The following TBC1D2B variants were observed in gnomAD, a reference collection of about 807,000 sequenced individuals.
The protein encoded by TBC1D2B is TBC1 domain family member 2B.
In TBC1D2B, 64 loss-of-function variants were observed where a neutral mutation model predicts 100.8. The ratio of observed to expected loss-of-function variants is 0.64; its 90% confidence interval spans 0.52 to 0.78. The LOEUF (loss-of-function observed/expected upper bound fraction) is 0.78, where lower values mean the gene tolerates loss of function less well. Ranked by LOEUF, TBC1D2B falls within the 30% of genes least tolerant of loss-of-function variation. The probability of loss-of-function intolerance (pLI) is 0.00; values close to 1 mark genes in which losing one functional copy is unlikely to be tolerated. For missense variants in TBC1D2B, 1,052 were observed against 1,218.4 expected (o/e 0.86, Z 2.03); for synonymous variants, 480 against 479.7 (o/e 1.00, Z -0.01).
At chr15:78,013,434 G>A in intron 8 of TBC1D2B, 117 bp from the exon 9 acceptor site, 2 of 975,776 alleles carry the variant, frequency 2.0e-6, no homozygotes, top group Non-Finnish European at 1.5e-6. Flanking sequence ...TTTGAACTAT[G>A]AGAAGCATTT....
At position 78,077,510 on chromosome 15, in the gene TBC1D2B, C is replaced by G; in HGVS notation, c.143G>C (p.Gly48Ala). 1.3e-6 allele frequency: 2 copies of G among 1,529,766 alleles called. No homozygotes were observed. The highest frequency in any genetic ancestry group is 1.8e-6 in the Non-Finnish European group (2 of 1,138,588). The allele number at this position is 1,529,766 out of a possible 1,614,324, so 94.8% of individuals were successfully genotyped here. A position where few individuals can be genotyped will look rare whatever the true frequency, so the allele number is the denominator to read the frequency against. The part of the protein sequence containing the change: ...CGYLQKLSGK[G>A]PLRGYRSRWF... ...GCGGCTGCGGTAGCCACGCAGGGGG[C>G]CCTTGCCCGACAGCTTCTGCAGATA... is the stretch of plus-strand genomic sequence containing the variant. Residue 48 changes from glycine (G) to alanine (A), a missense_variant, in exon 1 of 13, where the codon GGC becomes GCC. Gly to Ala is a moderately conservative substitution (Grantham distance 60). Coordinates refer to ENST00000300584, the MANE Select transcript of TBC1D2B (RefSeq NM_144572.2).
chr15:78,042,868 G>C (rs1185385546), intron 3 of TBC1D2B, among the ~76,000 whole-genome samples: 1 of 152,236 alleles, frequency 6.6e-6, no homozygotes, highest in East Asian at 1.9e-4. Flanking sequence ...AGGGCTATCA[G>C]CGTAGGGAGA....
At chr15:78,014,094 T>G (rs1039659427) in intron 8 of TBC1D2B, among the ~76,000 whole-genome samples, 2 of 152,158 alleles carry the variant, frequency 1.3e-5, no homozygotes, top group Non-Finnish European at 2.9e-5. Flanking sequence ...AGCAAGGAAA[T>G]AGCGACCTAG....
At chr15:78,040,632 GAAAA>G (rs1434195184) in intron 3 of TBC1D2B, among the ~76,000 whole-genome samples, 22 of 86,888 alleles carry the variant, frequency 2.5e-4, no homozygotes, top group Admixed American at 1.3e-3. Flanking sequence ...GAGAGAGAAA[GAAAA>G]AGAAAGAAAG....
intron 10 of TBC1D2B, among the ~76,000 whole-genome samples, chr15:78,006,478 C>T (rs1298417458): frequency 6.6e-6 from 1 of 152,222 alleles, no homozygotes; most frequent in Non-Finnish European, 1.5e-5. Flanking sequence ...ATCTGAGAAA[C>T]TGGGACAGGG....
chr15:78,044,317 C>T (rs1039053033), intron 3 of TBC1D2B, among the ~76,000 whole-genome samples: 2 of 152,032 alleles, frequency 1.3e-5, no homozygotes, highest in African/African-American at 2.4e-5. Context: ...AACAAGTCAA[C>T]CATAGTGGCA....
At position 78,024,284 on chromosome 15, in the gene TBC1D2B, G is replaced by T. The variant is rs1236049962; in HGVS notation, c.1342C>A (p.Gln448Lys). The change falls in exon 6 of 13, where the codon CAA (glutamine) becomes AAA (lysine). Residue 448 changes from glutamine (Q) to lysine (K), a missense_variant. This residue lies in a region of TBC1D2B where 627 missense variants were observed against 646.1 expected (regional missense o/e 0.97). Transcript: ENST00000300584. ...TTGATGATGACCTCGTCCTTGGCTT[G>T]GATGGTCTCCATGAGCATTCCCAGC... ...EQLGMLMETI[Q>K]AKDEVIIKLS... 4 of 1,614,018 alleles carry T rather than the reference G, an allele frequency of 2.5e-6. No homozygotes were observed. Among genetic ancestry groups the T allele is most frequent in the Non-Finnish European group, 3.4e-6 (4 of 1,179,900 alleles).
intron 10 of TBC1D2B, among the ~76,000 whole-genome samples, chr15:78,007,539 C>T (rs979171120): frequency 6.6e-6 from 1 of 152,186 alleles, no homozygotes; most frequent in Non-Finnish European, 1.5e-5. Context: ...CAGGCGGGAA[C>T]AGGAGGCAAT....
At chr15:78,024,570 G>C in intron 5 of TBC1D2B, 31 bp from the exon 6 acceptor site, 2 of 1,573,428 alleles carry the variant, frequency 1.3e-6, no homozygotes, top group Non-Finnish European at 1.7e-6. Context: ...GGAGTGAAGG[G>C]TGAAAAGAGC....
chr15:78,023,510 C>T (rs2141690889), intron 6 of TBC1D2B, among the ~76,000 whole-genome samples: 1 of 152,336 alleles, frequency 6.6e-6, no homozygotes, highest in Admixed American at 6.5e-5. Context: ...CCTCCTACCG[C>T]ATCAGCTGGT....
At chr15:78,003,234 C>G (rs1443488705) in intron 11 of TBC1D2B, 71 bp downstream of exon 11, 1 of 1,454,798 alleles carries the variant, frequency 6.9e-7, no homozygotes, top group East Asian at 2.3e-5. Context: ...GCCAGCCGCT[C>G]TACCGCCACC....
At chr15:78,073,579 G>A (rs925803320) in intron 1 of TBC1D2B, among the ~76,000 whole-genome samples, 13 of 152,142 alleles carry the variant, frequency 8.5e-5, no homozygotes, top group African/African-American at 2.4e-4. Flanking sequence ...TTTGAAAGAC[G>A]AAAAGGAAGA....
chr15:78,003,214 T>C, intron 11 of TBC1D2B, 91 bp downstream of exon 11: 1 of 1,187,284 alleles, frequency 8.4e-7, no homozygotes, highest in African/African-American at 1.5e-5. Context: ...CCCTCATAAG[T>C]TCCAGGTGAG....
At chr15:78,028,500 T>C (rs554471922) in intron 4 of TBC1D2B, among the ~76,000 whole-genome samples, 91 of 152,334 alleles carry the variant, frequency 6.0e-4, no homozygotes, top group Admixed American at 2.0e-3. Context: ...TCTAGGATTG[T>C]AAATGAATGT....
chr15:78,060,914 T>C (rs868182172), intron 1 of TBC1D2B, among the ~76,000 whole-genome samples: 14 of 151,734 alleles, frequency 9.2e-5, no homozygotes, highest in Admixed American at 2.0e-4. Flanking sequence ...TGAAACTCTG[T>C]CTCAAAATGA....
At chr15:78,046,904 A>G (rs1209666993) in intron 2 of TBC1D2B, among the ~76,000 whole-genome samples, 1 of 152,242 alleles carries the variant, frequency 6.6e-6, no homozygotes, top group African/African-American at 2.4e-5. Flanking sequence ...TTGGAGAGCA[A>G]CGTCCTGAAT....
intron 1 of TBC1D2B, among the ~76,000 whole-genome samples, chr15:78,074,272 C>T (rs1387076016): frequency 6.6e-6 from 1 of 152,054 alleles, no homozygotes; most frequent in Non-Finnish European, 1.5e-5. Context: ...ATCCACTCGC[C>T]TCGGCCTCCC....
rs1161482295 is a variant in TBC1D2B at position 78,012,741 on chromosome 15, G to C, written c.2270+82C>G. ...AATATTGACTTTTCTTGGCCAACCAGGAAGGGAGGGAGCTGCCAGGCAGCA... is the reference window on the plus strand; with the variant it reads ...AATATTGACTTTTCTTGGCCAACCACGAAGGGAGGGAGCTGCCAGGCAGCA... On this transcript the variant is annotated intron_variant, in intron 9 of 12. Coordinates refer to ENST00000300584, the MANE Select transcript of TBC1D2B (RefSeq NM_144572.2). The C allele has an allele frequency of 5.9e-6, 8 of 1,360,680 alleles. No homozygotes were observed. In the East Asian group the frequency reaches 7.8e-5, roughly 13 times the overall value. 84.3% of individuals were successfully genotyped at this position (1,360,680 alleles called of 1,614,324 possible).
chr15:78,036,446 T>C (rs1282405801), intron 3 of TBC1D2B, among the ~76,000 whole-genome samples: 1 of 152,178 alleles, frequency 6.6e-6, no homozygotes. Context: ...GATTAGGCCA[T>C]GAAGGCTCAG....
Sources: allele counts gnomAD v4.1 joint callset (sites outside exome capture counted in the v4.1 genomes callset), GRCh38; gene constraint gnomAD v4.1.1; regional missense constraint gnomAD v4.1.1; transcripts MANE v1.5; gene names NCBI Gene and HGNC (gene_info 2026-07-23, HGNC 2026-07-21).